Variants in ASCC3 observed in about 807,000 individuals in gnomAD.
The protein encoded by ASCC3 is ASC-1 complex subunit P200.
A neutral mutation model predicts 256.3 loss-of-function variants in ASCC3; 158 were observed. The ratio of observed to expected loss-of-function variants is 0.62; its 90% CI spans 0.54 to 0.70. The LOEUF is 0.70. ASCC3 is among the 30% of genes least tolerant of loss of function. The probability of loss-of-function intolerance (pLI) is 0.00; values close to 1 mark genes in which losing one functional copy is unlikely to be tolerated. For missense variants in ASCC3, 2,259 were observed against 2,626.0 expected (o/e 0.86, Z 3.05); for synonymous variants, 948 against 883.4 (o/e 1.07, Z -1.30).
chr6:100,512,719 C>T lies in ASCC3; in HGVS notation c.6275G>A (p.Gly2092Glu). Reference protein sequence around the residue: ...LQVSLQRVHFGFHKGKPESCA... With the variant: ...LQVSLQRVHFEFHKGKPESCA... ...AACCAAACACTATACCTTGTGGAAC[C>T]CAAAGTGGACTCTCTGCAAGCTCAC... Residue 2092 changes from glycine to glutamate, a missense_variant, in exon 40 of 42, where the codon GGG (glycine) becomes GAG (glutamate). Transcript: ENST00000369162. 1 of 1,613,996 alleles carries T rather than the reference C, an allele frequency of 6.2e-7. No individual in the cohort carries two copies. Among genetic ancestry groups the T allele is most frequent in the African/African-American group, 1.3e-5 (1 of 75,014 alleles).
chr6:100,800,887 G>A lies in ASCC3; in HGVS notation c.923-383C>T, dbSNP rs561593270. Among the ~76,000 whole-genome samples, 4 of 151,600 alleles carry A rather than the reference G, an allele frequency of 2.6e-5. No individual in the cohort carries two copies. The South Asian group carries it at 8.3e-4, about 31-fold the overall frequency. On this transcript the variant is annotated intron_variant, in intron 5 of 41. Transcript: ENST00000369162. Reference sequence around the variant, plus strand: ...TAGCATTTACTGTTAATATAGTAATGAAATAAACTCTTTCCCTATTAGACA... The same window carrying A: ...TAGCATTTACTGTTAATATAGTAATAAAATAAACTCTTTCCCTATTAGACA...
At chr6:100,566,874 TTC>T (rs1770281766) in intron 36 of ASCC3, among the ~76,000 whole-genome samples, 1 of 152,120 alleles carries the variant, frequency 6.6e-6, no homozygotes, top group Non-Finnish European at 1.5e-5. Flanking sequence ...TTAAAATTCA[TTC>T]TCTCTTGAAT....
chr6:100,782,801 A>G (rs1408803816), intron 8 of ASCC3, among the ~76,000 whole-genome samples: 1 of 152,146 alleles, frequency 6.6e-6, no homozygotes, highest in East Asian at 1.9e-4. Context: ...GAATAGTATT[A>G]TAATATGCTA....
At chr6:100,762,633 A>T (rs1269999934) in intron 10 of ASCC3, among the ~76,000 whole-genome samples, 1 of 152,204 alleles carries the variant, frequency 6.6e-6, no homozygotes, top group African/African-American at 2.4e-5. Flanking sequence ...AAATCTTATA[A>T]TTATATAATT....
chr6:100,781,314 G>A (rs1350736537), intron 8 of ASCC3, among the ~76,000 whole-genome samples: 2 of 152,046 alleles, frequency 1.3e-5, no homozygotes, highest in Non-Finnish European at 2.9e-5. Context: ...GTTATTCACT[G>A]AAGTTGCCGC....
intron 32 of ASCC3, among the ~76,000 whole-genome samples, chr6:100,606,074 C>A (rs906320596): frequency 1.3e-5 from 2 of 151,790 alleles, no homozygotes; most frequent in South Asian, 4.2e-4. Flanking sequence ...ATCTTTTCAG[C>A]AGAGTCATTT....
chr6:100,531,431 T>C (rs749499927), intron 37 of ASCC3, among the ~76,000 whole-genome samples: 2 of 152,146 alleles, frequency 1.3e-5, no homozygotes, highest in Non-Finnish European at 2.9e-5. Context: ...ATTAAACATA[T>C]GAACATCACA....
intron 36 of ASCC3, among the ~76,000 whole-genome samples, chr6:100,581,129 T>C (rs1167942691): frequency 1.3e-5 from 2 of 152,186 alleles, no homozygotes; most frequent in Admixed American, 6.5e-5. Context: ...ATGGTATTTC[T>C]ACTTCTAGAT....
At chr6:100,675,009 G>C (rs546164204) in intron 14 of ASCC3, among the ~76,000 whole-genome samples, 1 of 152,216 alleles carries the variant, frequency 6.6e-6, no homozygotes, top group East Asian at 1.9e-4. Context: ...AAAAGGCAGA[G>C]TGTGTGAATC....
In ASCC3 at chr6:100,776,617, T is replaced by C. The variant is rs1782202395; in HGVS notation, c.1396-9272A>G. Among the ~76,000 whole-genome samples the C allele has an allele frequency of 3.3e-5, 5 of 152,200 alleles. No individual in the cohort carries two copies. The South Asian group carries it at 1.0e-3, about 32-fold the overall frequency. On this transcript the variant is annotated intron_variant, in intron 8 of 41. Coordinates refer to ENST00000369162, the MANE Select transcript of ASCC3 (RefSeq NM_006828.4). ...TTTTGGATATCCATTTATTAAATAC[T>C]GGTAATACAGGCTACTCGTGAGTGC...
chr6:100,642,707 T>C lies in ASCC3; in HGVS notation c.3775A>G (p.Ile1259Val), dbSNP rs1201760430. ...EAQLLVFTIPIFEPLPSQYYI... is the reference protein window; with the variant it reads ...EAQLLVFTIPVFEPLPSQYYI... The stretch of plus-strand genomic sequence containing the variant: ...TATTGGGAAGGCAAAGGCTCAAAAA[T>C]AGGGATTGTAAATACCAGTAGTTGG... Residue 1259 changes from isoleucine (I) to valine (V), a missense_variant, in exon 24 of 42, where the codon ATT becomes GTT. Transcript: ENST00000369162. 3 of 1,613,718 alleles carry C rather than the reference T, an allele frequency of 1.9e-6. No homozygotes were observed. Among genetic ancestry groups the C allele is most frequent in the Non-Finnish European group, 2.5e-6 (3 of 1,179,844 alleles).
At chr6:100,525,047 T>C (rs1265974035) in intron 37 of ASCC3, among the ~76,000 whole-genome samples, 1 of 146,330 alleles carries the variant, frequency 6.8e-6, no homozygotes, top group Non-Finnish European at 1.5e-5. Flanking sequence ...GGTGTGGTGG[T>C]GTGTGCCTGT....
At chr6:100,531,084 C>G in intron 37 of ASCC3, 2 of 1,289,314 alleles carry the variant, frequency 1.6e-6, no homozygotes, top group Non-Finnish European at 2.2e-6. Flanking sequence ...CGTACATAGT[C>G]TGTACAATAA....
intron 37 of ASCC3, among the ~76,000 whole-genome samples, chr6:100,538,008 A>C (rs994394004): frequency 1.3e-5 from 2 of 151,818 alleles, no homozygotes; most frequent in Non-Finnish European, 2.9e-5. Context: ...TCCTTTAAGA[A>C]ATTTCCTAGA....
intron 29 of ASCC3, among the ~76,000 whole-genome samples, chr6:100,626,906 T>A (rs1014810958): frequency 2.0e-5 from 3 of 152,128 alleles, no homozygotes; most frequent in Non-Finnish European, 4.4e-5. Context: ...TTTTGTACAA[T>A]GCTTCTGTGG....
intron 36 of ASCC3, among the ~76,000 whole-genome samples, chr6:100,570,207 T>C (rs894495418): frequency 4.6e-5 from 7 of 152,192 alleles, no homozygotes; most frequent in Non-Finnish European, 1.0e-4. Context: ...TTTCTAAGTA[T>C]ATAATCATAT....
At chr6:100,603,899 G>A (rs979905704) in intron 33 of ASCC3, among the ~76,000 whole-genome samples, 4 of 151,880 alleles carry the variant, frequency 2.6e-5, no homozygotes, top group East Asian at 3.9e-4. Context: ...TTCCCTTCTC[G>A]TAAATTTTTT....
Position 100,718,154 on chromosome 6 carries a change from A to G in ASCC3, c.2000T>C (p.Ile667Thr). 6.2e-7 allele frequency: 1 copy of G among 1,613,788 alleles called. No individual in the cohort carries two copies. The highest frequency in any genetic ancestry group is 1.1e-5 in the South Asian group (1 of 91,070). Residue 667 changes from isoleucine to threonine, a missense_variant, in exon 12 of 42, where the codon ATT (isoleucine) becomes ACT (threonine). Ile to Thr is a moderately conservative substitution (Grantham distance 89). Coordinates refer to ENST00000369162, the MANE Select transcript of ASCC3 (RefSeq NM_006828.4). ...ACGGCCATCAAAGAAGAAAAGTCCA[A>G]TGTATGGATTAACATGTAAAAATGT... is the stretch of plus-strand genomic sequence containing the variant. ...VATFLHVNPY[I>T]GLFFFDGRFR...
intron 10 of ASCC3, among the ~76,000 whole-genome samples, chr6:100,744,504 AAT>A: frequency 6.6e-6 from 1 of 152,162 alleles, no homozygotes; most frequent in Non-Finnish European, 1.5e-5. Context: ...TAACTTTTAT[AAT>A]GATAAATTAT....
Sources: gnomAD v4.1 joint callset for allele counts (sites outside exome capture counted in the v4.1 genomes callset) on GRCh38, gnomAD v4.1.1 for gene constraint, MANE v1.5 for transcripts, NCBI Gene and HGNC (gene_info 2026-07-23, HGNC 2026-07-21) for gene names.